SLC7A11: variants seen among roughly 807,000 people sequenced by gnomAD.
SLC7A11 encodes solute carrier family 7 member 11.
Under a neutral mutation model 54.5 loss-of-function variants are expected in SLC7A11, and 35 were observed. That is an observed-to-expected ratio of 0.64 (90% CI 0.49 to 0.85). SLC7A11 has a LOEUF of 0.85. Ranked by LOEUF, SLC7A11 falls within the 40% of genes least tolerant of loss-of-function variation. The pLI is 0.00. For synonymous variants in SLC7A11, 230 were observed against 225.2 expected, an observed-to-expected ratio of 1.02 and a Z score of -0.19; for missense variants, 583 against 618.1, an observed-to-expected ratio of 0.94 and a Z score of 0.60.
chr4:138,186,871 T>C (rs1578637776), intron 6 of SLC7A11, among the ~76,000 whole-genome samples: 2 of 152,286 alleles, frequency 1.3e-5, no homozygotes, highest in East Asian at 3.9e-4. Context: ...TCCTTTCAGC[T>C]TTTATAAGAT....
intron 3 of SLC7A11, 61 bp downstream of exon 3, chr4:138,232,206 T>C: frequency 8.8e-7 from 1 of 1,141,200 alleles, no homozygotes. Context: ...CTAAAGACAC[T>C]TTGTCTTCAA....
In SLC7A11 at chr4:138,166,728, C is replaced by T. The variant is rs1469568766; in HGVS notation, c.*5228G>A. ...TGATTCAAGTACGCTGAAACACACA[C>T]ATGTAACAGCTATTAGGACACTGTA... On this transcript the variant is annotated 3_prime_UTR_variant, in exon 12 of 12. Coordinates refer to ENST00000280612, the MANE Select transcript of SLC7A11 (RefSeq NM_014331.4). 1.3e-5 allele frequency: 2 copies of T among 152,390 alleles called. No individual in the cohort carries two copies. Among genetic ancestry groups the T allele is most frequent in the African/African-American group, 2.4e-5 (1 of 41,414 alleles). The allele number at this position is 152,390 out of a possible 1,614,324, so 9.4% of individuals were successfully genotyped here.
At chr4:138,179,528 C>CGTTG in intron 10 of SLC7A11, 134 bp from the exon 11 acceptor site, 4 of 656,932 alleles carry the variant, frequency 6.1e-6, no homozygotes, top group Non-Finnish European at 1.0e-5. Context: ...CAGGCACCAA[C>CGTTG]GTGCCTTAGT....
rs755465130 is a variant in SLC7A11, at chr4:138,232,373, A to C, written c.414T>G (p.Ala138=). ...CAAATGCCAGGGATATCACAGCAGTAGCTGCAGGGCTAAAAAAAAATGTAT... is the reference window on the plus strand; with the variant it reads ...CAAATGCCAGGGATATCACAGCAGTCGCTGCAGGGCTAAAAAAAAATGTAT... ...WVELLIIRPA[A]TAVISLAFGR... is the part of the protein sequence containing the mutation. The change falls in exon 3 of 12, where the codon GCT becomes GCG. Residue 138 remains alanine (A), a synonymous_variant. Coordinates refer to ENST00000280612, the MANE Select transcript of SLC7A11 (RefSeq NM_014331.4). The C allele has an allele frequency of 1.9e-6, 3 of 1,597,788 alleles. No homozygotes were observed. The highest frequency in any genetic ancestry group is 2.6e-6 in the Non-Finnish European group (3 of 1,165,424).
At chr4:138,190,392 CTTATAA>C (rs1038155414) in intron 6 of SLC7A11, among the ~76,000 whole-genome samples, 22 of 152,128 alleles carry the variant, frequency 1.4e-4, no homozygotes, top group Middle Eastern at 3.4e-3. Flanking sequence ...ACATAAAGTA[CTTATAA>C]TTATATTAAG....
At chr4:138,207,828 ATATTTTGCC>A (rs569258256) in intron 6 of SLC7A11, among the ~76,000 whole-genome samples, 181 of 152,266 alleles carry the variant, frequency 1.2e-3, no homozygotes, top group Middle Eastern at 0.01. Flanking sequence ...TTTGGGCAAG[ATATTTTGCC>A]TATTTTGTTT....
At chr4:138,186,774 C>CT (rs1222450810) in intron 6 of SLC7A11, among the ~76,000 whole-genome samples, 1 of 152,096 alleles carries the variant, frequency 6.6e-6, no homozygotes, top group African/African-American at 2.4e-5. Flanking sequence ...GTAAGAAGGG[C>CT]TATTGTAAAT....
rs148837396 is a variant in SLC7A11, at chr4:138,204,249, A to G, written c.791+10336T>C. On this transcript the variant is annotated intron_variant, in intron 6 of 11. Transcript: ENST00000280612. ...ATTCTGGTCTTCTCATTGGCTAACT[A>G]CATGGGCATGAGAAATTACTTCACT... 1.9e-3 allele frequency among the ~76,000 whole-genome samples: 290 copies of G among 152,180 alleles called. 2 individuals are homozygous for G. The highest frequency in any genetic ancestry group is 6.8e-3 in the African/African-American group (281 of 41,536).
At chr4:138,181,822 GC>G (rs1158338046) in intron 9 of SLC7A11, among the ~76,000 whole-genome samples, 1 of 151,972 alleles carries the variant, frequency 6.6e-6, no homozygotes, top group Admixed American at 6.6e-5. Context: ...AAAGACACTT[GC>G]TCTCAAATGT....
At chr4:138,219,447 A>C in intron 4 of SLC7A11, 82 bp from the exon 5 acceptor site, 1 of 765,540 alleles carries the variant, frequency 1.3e-6, no homozygotes, top group Non-Finnish European at 2.3e-6. Flanking sequence ...GGGGGTGCGG[A>C]GAAACATACT....
chr4:138,232,202 A>T, intron 3 of SLC7A11, 65 bp downstream of exon 3: 1 of 1,103,544 alleles, frequency 9.1e-7, no homozygotes, highest in Non-Finnish European at 1.4e-6. Context: ...AAGTCTAAAG[A>T]CACTTTGTCT....
intron 6 of SLC7A11, among the ~76,000 whole-genome samples, chr4:138,193,065 C>A (rs141606894): frequency 6.6e-6 from 1 of 152,280 alleles, no homozygotes; most frequent in Non-Finnish European, 1.5e-5. Flanking sequence ...AACACTTATA[C>A]TATACACACA....
rs1391956555 is a variant in SLC7A11 at position 138,242,176 on chromosome 4, GTC to G, written c.-109_-108del. 3 of 1,279,576 alleles carry G rather than the reference GTC, an allele frequency of 2.3e-6. No homozygotes were observed. Among genetic ancestry groups the G allele is most frequent in the East Asian group, 2.5e-5 (1 of 39,576 alleles). The allele number at this position is 1,279,576 out of a possible 1,614,324, so 79.3% of individuals were successfully genotyped here. A position where few individuals can be genotyped will look rare whatever the true frequency, so the allele number is the denominator to read the frequency against. On this transcript the variant is annotated 5_prime_UTR_variant, in exon 1 of 12. Coordinates refer to ENST00000280612, the MANE Select transcript of SLC7A11 (RefSeq NM_014331.4). ...CGATGTCTTCCTCTGCTTTCAGACT[GTC>G]TCTCTCAGCGCTATAGTGTTCACAG... is the stretch of plus-strand genomic sequence containing the variant.
At position 138,228,246 on chromosome 4, in the gene SLC7A11, C is replaced by T. The variant is rs1737989510; in HGVS notation, c.520+4021G>A. 2.0e-5 allele frequency among the ~76,000 whole-genome samples: 3 copies of T among 151,812 alleles called. No individual in the cohort carries two copies. The South Asian group carries it at 6.2e-4, about 32-fold the overall frequency. On this transcript the variant is annotated intron_variant, in intron 3 of 11. Transcript: ENST00000280612. ...TAAAATAAACTAGCAAGGAAATTGA[C>T]ATCCAACAATTGATGGTGTTAGGGA... is the stretch of plus-strand genomic sequence containing the variant.
chr4:138,204,358 G>A (rs956301380), intron 6 of SLC7A11, among the ~76,000 whole-genome samples: 4 of 152,032 alleles, frequency 2.6e-5, no homozygotes, highest in Admixed American at 6.6e-5. Flanking sequence ...CTACTTTTAC[G>A]CTGCAATCAA....
At chr4:138,206,767 C>T (rs1737417151) in intron 6 of SLC7A11, among the ~76,000 whole-genome samples, 2 of 151,870 alleles carry the variant, frequency 1.3e-5, no homozygotes, top group Non-Finnish European at 1.5e-5. Context: ...TCCCAAGGTA[C>T]ATCAACCACA....
chr4:138,183,854 C>T (rs909491542), intron 7 of SLC7A11, among the ~76,000 whole-genome samples: 2 of 151,672 alleles, frequency 1.3e-5, no homozygotes, highest in Non-Finnish European at 2.9e-5. Flanking sequence ...CTAGCTAAAT[C>T]TCTGTTTATA....
chr4:138,206,886 T>C (rs1737420609), intron 6 of SLC7A11, among the ~76,000 whole-genome samples: 1 of 151,394 alleles, frequency 6.6e-6, no homozygotes, highest in African/African-American at 2.4e-5. Flanking sequence ...TCTGGCCAAA[T>C]ACCGATCTTT....
At chr4:138,219,533 C>G (rs1737758786) in intron 4 of SLC7A11, among the ~76,000 whole-genome samples, 168 bp from the exon 5 acceptor site, 1 of 151,880 alleles carries the variant, frequency 6.6e-6, no homozygotes, top group African/African-American at 2.4e-5. Context: ...AGAAGGGGTC[C>G]CAAAAGTATA....
Sources: gnomAD v4.1 joint callset for allele counts (sites outside exome capture counted in the v4.1 genomes callset) on GRCh38, gnomAD v4.1.1 for gene constraint, MANE v1.5 for transcripts, NCBI Gene and HGNC (gene_info 2026-07-23, HGNC 2026-07-21) for gene names.